Variants in ARSG observed in about 807,000 individuals in gnomAD.
ARSG encodes arylsulfatase G, also known as ASG.
ARSG carries 37 observed loss-of-function variants against 50.5 expected under a neutral mutation model. The ratio of observed to expected loss-of-function variants is 0.73; its 90% CI spans 0.56 to 0.96. The LOEUF (loss-of-function observed/expected upper bound fraction) is 0.96. ARSG is among the 50% of genes least tolerant of loss of function. ARSG has a pLI of 0.00. For synonymous variants in ARSG, 225 were observed against 254.6 expected (o/e 0.88, Z 1.11); for missense variants, 629 against 675.3 (o/e 0.93, Z 0.76).
the ARSG span, among the ~76,000 whole-genome samples, chr17:68,446,592 G>A: frequency 6.6e-6 from 1 of 152,180 alleles, no homozygotes; most frequent in Non-Finnish European, 1.5e-5. Context: ...GTTCCTCTGT[G>A]AAATATTCTC....
At chr17:68,291,469 G>C (rs1415340163), upstream of ARSG, 2 of 150,866 alleles carry the variant, frequency 1.3e-5, no homozygotes, top group African/African-American at 4.8e-5. Context: ...GCGCAGCCAA[G>C]GAGGGGGCCT....
intron 2 of ARSG, among the ~76,000 whole-genome samples, chr17:68,337,233 G>T (rs1360606008): frequency 6.6e-6 from 1 of 152,190 alleles, no homozygotes; most frequent in African/African-American, 2.4e-5. Flanking sequence ...AAGAAGAGAT[G>T]TTCGGGAGGG....
chr17:68,295,742 C>T (rs1183505291), intron 1 of ARSG, among the ~76,000 whole-genome samples: 3 of 142,500 alleles, frequency 2.1e-5, no homozygotes, highest in Non-Finnish European at 4.5e-5. Context: ...TGCAGTGGCG[C>T]GATCTTGGCT....
rs531297579 is a variant in ARSG at position 68,347,022 on chromosome 17, C to CGAGGCGAAGCTAATGGAGAGCT, written c.407-99_407-78dup. 3,573 of 1,566,474 alleles carry CGAGGCGAAGCTAATGGAGAGCT rather than the reference C, an allele frequency of 2.3e-3. 11 individuals carry two copies. Among genetic ancestry groups the CGAGGCGAAGCTAATGGAGAGCT allele is most frequent in the Non-Finnish European group, 2.9e-3 (3,268 of 1,146,228 alleles). ...AGCTTCTTTTGGCTTGTCCACAGTG[C>CGAGGCGAAGCTAATGGAGAGCT]GAGGCGAAGCTAATGGAGAGCTGAG... On this transcript the variant is annotated intron_variant, in intron 3 of 11. Transcript: ENST00000621439.
intron 8 of ARSG, among the ~76,000 whole-genome samples, chr17:68,370,819 A>G (rs1318873817): frequency 6.6e-6 from 1 of 152,104 alleles, no homozygotes; most frequent in East Asian, 1.9e-4. Context: ...ATTCCAACAA[A>G]TGAGCTTTGT....
intron 1 of ARSG, among the ~76,000 whole-genome samples, chr17:68,281,307 G>A (rs963512483): frequency 1.3e-5 from 2 of 152,022 alleles, no homozygotes; most frequent in African/African-American, 2.4e-5. Flanking sequence ...GGTGGCTCAC[G>A]CCTGTAATCC....
At chr17:68,377,393 G>GA (rs2080204699) in intron 8 of ARSG, among the ~76,000 whole-genome samples, 1 of 152,176 alleles carries the variant, frequency 6.6e-6, no homozygotes, top group Admixed American at 6.5e-5. Flanking sequence ...AATTGTCAAG[G>GA]AAAAGTCTTT....
intron 1 of ARSG, among the ~76,000 whole-genome samples, chr17:68,303,914 T>C (rs1279814956): frequency 6.6e-6 from 1 of 152,260 alleles, no homozygotes; most frequent in Non-Finnish European, 1.5e-5. Context: ...TGAAGAATAA[T>C]GCAGTGGTCT....
intron 2 of ARSG, among the ~76,000 whole-genome samples, chr17:68,333,411 T>C (rs1026517728): frequency 2.6e-5 from 4 of 152,086 alleles, no homozygotes; most frequent in Admixed American, 6.5e-5. Context: ...GCGGATCACC[T>C]GAGGTCAGGA....
chr17:68,400,281 G>A (rs2081416390), intron 10 of ARSG: 1 of 152,116 alleles, frequency 6.6e-6, no homozygotes. Flanking sequence ...TCCTTCCCTC[G>A]AGAACCCTGA....
chr17:68,440,819 C>A, the ARSG span: 1 of 152,150 alleles, frequency 6.6e-6, no homozygotes. Flanking sequence ...GCATGTCAAA[C>A]TTTAGGTAAG....
chr17:68,321,490 A>G (rs1229697352), intron 2 of ARSG, among the ~76,000 whole-genome samples: 3 of 152,204 alleles, frequency 2.0e-5, no homozygotes, highest in African/African-American at 4.8e-5. Context: ...AAAGATTTTA[A>G]AAACCTATTT....
intron 9 of ARSG, among the ~76,000 whole-genome samples, chr17:68,391,016 G>A (rs1426788245): frequency 5.3e-5 from 8 of 151,626 alleles, no homozygotes; most frequent in Non-Finnish European, 8.8e-5. Context: ...GCCAAAAGCC[G>A]GGCACCGAAA....
chr17:68,395,638 G>A (rs1479630490), intron 10 of ARSG, among the ~76,000 whole-genome samples: 3 of 152,072 alleles, frequency 2.0e-5, no homozygotes, highest in Admixed American at 2.0e-4. Flanking sequence ...GCTTAGGGTG[G>A]GTGTATATAG....
intron 1 of ARSG, among the ~76,000 whole-genome samples, chr17:68,273,580 C>T (rs1033701060): frequency 4.6e-5 from 7 of 152,128 alleles, no homozygotes; most frequent in African/African-American, 1.7e-4. Context: ...GCATGTTGCA[C>T]TTCCCCTACA....
At chr17:68,423,211 TA>T (rs2082924768), downstream of ARSG, among the ~76,000 whole-genome samples, 1 of 152,186 alleles carries the variant, frequency 6.6e-6, no homozygotes, top group African/African-American at 2.4e-5. This position sits in a 1 kb window ranked among gnomAD's most constrained non-coding sequence, Gnocchi z 4.4. Flanking sequence ...AGATTTGCAA[TA>T]GGCATGACAA....
At chr17:68,312,070 G>A (rs929686729) in intron 2 of ARSG, among the ~76,000 whole-genome samples, 49 of 152,210 alleles carry the variant, frequency 3.2e-4, no homozygotes, top group African/African-American at 1.1e-3. Flanking sequence ...AAAGTGCTGC[G>A]ATTACAGGTC....
intron 9 of ARSG, among the ~76,000 whole-genome samples, chr17:68,389,102 C>G (rs1446173522): frequency 1.3e-5 from 2 of 152,192 alleles, no homozygotes; most frequent in Non-Finnish European, 2.9e-5. Context: ...GGAGGCTGTG[C>G]TCACATCAGT....
chr17:68,442,390 G>A, the ARSG span, among the ~76,000 whole-genome samples: 1 of 151,710 alleles, frequency 6.6e-6, no homozygotes, highest in East Asian at 1.9e-4. Flanking sequence ...ACTTGAATCC[G>A]GGAGGCGAAG....
Sources: allele counts gnomAD v4.1 joint callset (sites outside exome capture counted in the v4.1 genomes callset), GRCh38; gene constraint gnomAD v4.1.1; non-coding constraint Gnocchi (gnomAD v3.1); transcripts MANE v1.5; gene names NCBI Gene and HGNC (gene_info 2026-07-23, HGNC 2026-07-21).